SPAG6: variants seen among roughly 807,000 people sequenced by gnomAD.
SPAG6 encodes sperm-associated antigen 6.
In SPAG6, 49 loss-of-function variants were observed where a neutral mutation model predicts 58.5. The ratio of observed to expected loss-of-function variants is 0.84; its 90% CI spans 0.67 to 1.06. SPAG6 has a LOEUF of 1.06. Ranked by LOEUF, SPAG6 falls within the 50% of genes least tolerant of loss-of-function variation. The probability of loss-of-function intolerance (pLI) is 0.00; values close to 1 mark genes in which losing one functional copy is unlikely to be tolerated. For missense variants in SPAG6, 560 were observed against 611.3 expected (o/e 0.92, Z 0.89); for synonymous variants, 233 against 225.6 (o/e 1.03, Z -0.29).
At chr10:22,389,712 C>T (rs991486479) in intron 7 of SPAG6, among the ~76,000 whole-genome samples, 1 of 152,116 alleles carries the variant, frequency 6.6e-6, no homozygotes, top group Non-Finnish European at 1.5e-5. Context: ...CATTTCCTGC[C>T]ACTTCAGTGG....
In SPAG6 at chr10:22,411,091, GT is replaced by G. The variant is rs746272028; in HGVS notation, c.1377del (p.Gln460LysfsTer3). The G allele has an allele frequency of 6.2e-7, 1 of 1,613,956 alleles. No homozygotes were observed. ...TGTAACAAGTGGTGGCCTTAAAAAAGTTCAAGAGATAAAAGCAGAACCTGGT... is the reference window on the plus strand; with the variant it reads ...TGTAACAAGTGGTGGCCTTAAAAAAGTCAAGAGATAAAAGCAGAACCTGGT... ...LFVTSGGLKK[V>X]QEIKAEPGSL... On this transcript the variant is annotated frameshift_variant, in exon 10 of 11. Coordinates refer to ENST00000376624, the MANE Select transcript of SPAG6 (RefSeq NM_012443.4). LOFTEE classifies it high-confidence loss of function.
At chr10:22,349,241 G>T (rs1468572535) in intron 2 of SPAG6, among the ~76,000 whole-genome samples, 1 of 151,852 alleles carries the variant, frequency 6.6e-6, no homozygotes, top group Admixed American at 6.6e-5. Flanking sequence ...CCTCACTGAG[G>T]TTTTATTCCT....
At chr10:22,416,581 C>T (rs1229830302) in intron 10 of SPAG6, 38 bp from the exon 11 acceptor site, 6 of 1,275,462 alleles carry the variant, frequency 4.7e-6, no homozygotes, top group Non-Finnish European at 4.6e-6. Context: ...CTGTGTTGAT[C>T]GTTTCACCAG....
chr10:22,389,303 C>T lies in SPAG6; in HGVS notation c.996C>T (p.Ile332=). The change falls in exon 7 of 11, where the codon ATC becomes ATT. Residue 332 remains isoleucine (I), a synonymous_variant. Transcript: ENST00000376624. ...CTGAGAACCTAGCAATGGCAGTCAT[C>T]ATTTCTAAGGTTTGTTCTTGCTTCG... ...AHSENLAMAV[I]ISKGVPQLSV... is the part of the protein sequence containing the mutation. 6.2e-7 allele frequency: 1 copy of T among 1,611,838 alleles called. No homozygotes were observed. The highest frequency in any genetic ancestry group is 8.5e-7 in the Non-Finnish European group (1 of 1,179,492).
In SPAG6 at chr10:22,368,608, G is replaced by A. The variant is rs760281374; in HGVS notation, c.402G>A (p.Leu134=). ...CACTGGATACGCTGGTCATATGCTTGGAAGATTTTGACCCTGGAGTCAAGG... is the reference window on the plus strand; with the variant it reads ...CACTGGATACGCTGGTCATATGCTTAGAAGATTTTGACCCTGGAGTCAAGG... ...CGALDTLVIC[L]EDFDPGVKEA... is the part of the protein sequence containing the mutation. Residue 134 remains leucine, a synonymous_variant, in exon 4 of 11, where the codon TTG becomes TTA. Coordinates refer to ENST00000376624, the MANE Select transcript of SPAG6 (RefSeq NM_012443.4). The A allele has an allele frequency of 6.2e-7, 1 of 1,613,920 alleles. No homozygotes were observed. The highest frequency in any genetic ancestry group is 8.5e-7 in the Non-Finnish European group (1 of 1,179,932).
chr10:22,385,261 C>G (rs1438251540), intron 4 of SPAG6, among the ~76,000 whole-genome samples: 1 of 152,098 alleles, frequency 6.6e-6, no homozygotes, highest in Non-Finnish European at 1.5e-5. Context: ...GTGTCACCTG[C>G]TGTCTTCATG....
In SPAG6 at chr10:22,416,692, A is replaced by C. The variant is rs775897168; in HGVS notation, c.*4A>C. On this transcript the variant is annotated 3_prime_UTR_variant, in exon 11 of 11. Transcript: ENST00000376624. The stretch of plus-strand genomic sequence containing the variant: ...CTATCAACCACTTAATAACTGAGCA[A>C]AGTTATATTGTGATACTCAAATTCA... 3 of 1,570,790 alleles carry C rather than the reference A, an allele frequency of 1.9e-6. No homozygotes were observed. The highest frequency in any genetic ancestry group is 2.2e-5 in the South Asian group (2 of 90,000).
chr10:22,392,683 A>C (rs1258803727), intron 8 of SPAG6, among the ~76,000 whole-genome samples: 1 of 152,174 alleles, frequency 6.6e-6, no homozygotes, highest in African/African-American at 2.4e-5. Flanking sequence ...AAATTAAATT[A>C]CATTTAAATT....
At chr10:22,411,296 G>A in intron 10 of SPAG6, 120 bp downstream of exon 10, 1 of 734,674 alleles carries the variant, frequency 1.4e-6, no homozygotes, top group Non-Finnish European at 2.2e-6. Context: ...AGGCCAATAT[G>A]TACCTTTATT....
intron 4 of SPAG6, among the ~76,000 whole-genome samples, chr10:22,374,229 T>C (rs1219186261): frequency 1.3e-5 from 2 of 152,200 alleles, no homozygotes; most frequent in African/African-American, 2.4e-5. Context: ...AACAATGTCA[T>C]CATCATGGTA....
At chr10:22,388,693 G>T (rs955429869) in intron 6 of SPAG6, among the ~76,000 whole-genome samples, 2 of 151,982 alleles carry the variant, frequency 1.3e-5, no homozygotes, top group Non-Finnish European at 2.9e-5. Context: ...ATCTTTATTT[G>T]CTTGAGATTT....
chr10:22,395,158 C>T lies in SPAG6; in HGVS notation c.1197+3238C>T, dbSNP rs547906492. Reference sequence around the variant, plus strand: ...GTTTATCCATTTACCAGCTGATGGACGTTGGATTATTTCTACTCTTGACTA... The same window carrying T: ...GTTTATCCATTTACCAGCTGATGGATGTTGGATTATTTCTACTCTTGACTA... On this transcript the variant is annotated intron_variant, in intron 8 of 10. Coordinates refer to ENST00000376624, the MANE Select transcript of SPAG6 (RefSeq NM_012443.4). 3.3e-5 allele frequency among the ~76,000 whole-genome samples: 5 copies of T among 152,272 alleles called. No homozygotes were observed. The South Asian group carries it at 6.2e-4, about 19-fold the overall frequency.
chr10:22,406,454 A>G (rs886401992), intron 9 of SPAG6, among the ~76,000 whole-genome samples: 1 of 152,084 alleles, frequency 6.6e-6, no homozygotes, highest in African/African-American at 2.4e-5. Context: ...GGTTTTGAGT[A>G]AGATTCTTAA....
intron 4 of SPAG6, among the ~76,000 whole-genome samples, chr10:22,375,030 T>A (rs565412665): frequency 1.3e-5 from 2 of 152,346 alleles, no homozygotes; most frequent in East Asian, 3.9e-4. Context: ...CAAATACCTG[T>A]GGGAGAAATG....
Position 22,416,878 on chromosome 10 carries a change from T to C in SPAG6, c.*190T>C. 1 of 445,292 alleles carries C rather than the reference T, an allele frequency of 2.2e-6. No homozygotes were observed. The highest frequency in any genetic ancestry group is 3.7e-5 in the South Asian group (1 of 27,014). 27.6% of individuals were successfully genotyped at this position (445,292 alleles called of 1,614,324 possible). A position where few individuals can be genotyped will look rare whatever the true frequency, so the allele number is the denominator to read the frequency against. On this transcript the variant is annotated 3_prime_UTR_variant, in exon 11 of 11. Coordinates refer to ENST00000376624, the MANE Select transcript of SPAG6 (RefSeq NM_012443.4). ...TGAATATGTGAGGAACTATTCATGGTCATTCGCATGCATAGGATTTGTTCT... is the reference window on the plus strand; with the variant it reads ...TGAATATGTGAGGAACTATTCATGGCCATTCGCATGCATAGGATTTGTTCT...
intron 10 of SPAG6, 29 bp downstream of exon 10, chr10:22,411,205 A>G (rs201680017): frequency 3.1e-4 from 492 of 1,569,416 alleles, no homozygotes; most frequent in Non-Finnish European, 4.0e-4. Context: ...GAAACGTTCA[A>G]TATTAGAATG....
intron 10 of SPAG6, chr10:22,412,518 C>T (rs1196082651): frequency 1.4e-6 from 2 of 1,480,340 alleles, no homozygotes; most frequent in Non-Finnish European, 1.8e-6. Flanking sequence ...AAAAGAGTTC[C>T]AATAGGTAAG....
At chr10:22,410,581 T>G (rs941370401) in intron 9 of SPAG6, among the ~76,000 whole-genome samples, 1 of 151,124 alleles carries the variant, frequency 6.6e-6, no homozygotes, top group African/African-American at 2.4e-5. Flanking sequence ...TAGGAAGAGG[T>G]AGCAGCGTGG....
At chr10:22,391,325 T>G (rs751750925) in intron 7 of SPAG6, among the ~76,000 whole-genome samples, 1 of 152,210 alleles carries the variant, frequency 6.6e-6, no homozygotes, top group Non-Finnish European at 1.5e-5. Flanking sequence ...TTTATTATAT[T>G]TGGTGAAAAG....
Sources: allele counts gnomAD v4.1 joint callset (sites outside exome capture counted in the v4.1 genomes callset), GRCh38; gene constraint gnomAD v4.1.1; transcripts MANE v1.5; gene names NCBI Gene and HGNC (gene_info 2026-07-23, HGNC 2026-07-21).